Variants in FNIP2 observed in about 807,000 individuals in gnomAD.
The protein encoded by FNIP2 is folliculin interacting protein 2, also known as folliculin-interacting protein 2.
Under a neutral mutation model 108.7 loss-of-function variants are expected in FNIP2, and 32 were observed. The observed-to-expected ratio is 0.29, with a 90% CI of 0.22 to 0.40. FNIP2 has a LOEUF of 0.40. Among genes scored for constraint, FNIP2 ranks in the 10% least tolerant of loss-of-function variants. The pLI is 1.00. For missense variants in FNIP2, 1,202 were observed against 1,381.6 expected (o/e 0.87, Z 2.06); for synonymous variants, 480 against 496.7 (o/e 0.97, Z 0.45).
Position 158,865,518 on chromosome 4 carries a change from T to G in FNIP2, c.1466-2584T>G, listed in dbSNP as rs148613398. On this transcript the variant is annotated intron_variant, in intron 12 of 16. Coordinates refer to ENST00000264433, the MANE Select transcript of FNIP2 (RefSeq NM_020840.3). ...TTAATAACCTTCCTTGTTTTACCAT[T>G]TCCATTTGTTCCTTAGTTATTAAAA... is the stretch of plus-strand genomic sequence containing the variant. Among the ~76,000 whole-genome samples, 136 of 152,364 alleles carry G rather than the reference T, an allele frequency of 8.9e-4. 1 individual carries two copies. Among genetic ancestry groups the G allele is most frequent in the African/African-American group, 3.1e-3 (131 of 41,592 alleles).
chr4:158,861,505 T>C lies in FNIP2; in HGVS notation c.1295+17T>C. 1 of 1,613,904 alleles carries C rather than the reference T, an allele frequency of 6.2e-7. No individual in the cohort carries two copies. The highest frequency in any genetic ancestry group is 8.5e-7 in the Non-Finnish European group (1 of 1,179,864). ...TAAAAACCAGTAAGCTTCAACTCTC[T>C]GGAGACTTGTATGCAAATCTCATGG... is the stretch of plus-strand genomic sequence containing the variant. On this transcript the variant is annotated intron_variant, in intron 11 of 16. Coordinates refer to ENST00000264433, the MANE Select transcript of FNIP2 (RefSeq NM_020840.3).
chr4:158,842,540 CAG>C (rs1364839850), intron 7 of FNIP2, among the ~76,000 whole-genome samples: 1 of 152,140 alleles, frequency 6.6e-6, no homozygotes, highest in Non-Finnish European at 1.5e-5. Context: ...ATAAAAGACA[CAG>C]TACACTAGAA....
rs1225490591 is a variant in FNIP2, at chr4:158,904,374, T to TAGAAATAATACTTTCTCATAAAA, written c.3267-68_3267-46dup. 17 of 1,159,754 alleles carry TAGAAATAATACTTTCTCATAAAA rather than the reference T, an allele frequency of 1.5e-5. No individual in the cohort carries two copies. In the East Asian group the frequency reaches 1.7e-4, roughly 11 times the overall value. 71.8% of individuals were successfully genotyped at this position (1,159,754 alleles called of 1,614,324 possible). On this transcript the variant is annotated intron_variant, in intron 16 of 16. Transcript: ENST00000264433. ...ATGATAATCTATCAAACTTAGTACC[T>TAGAAATAATACTTTCTCATAAAA]AGAAATAATACTTTCTCATAAAAAG...
intron 14 of FNIP2, among the ~76,000 whole-genome samples, chr4:158,888,804 C>T (rs941395509): frequency 4.6e-5 from 7 of 151,258 alleles, no homozygotes; most frequent in South Asian, 4.2e-4. Context: ...ATCGCTTGAA[C>T]GCAGGAGCCA....
intron 14 of FNIP2, among the ~76,000 whole-genome samples, chr4:158,887,757 A>AAAAC (rs35980806): frequency 6.6e-6 from 1 of 150,768 alleles, no homozygotes; most frequent in Admixed American, 6.6e-5. Context: ...AAAAAAAAAA[A>AAAAC]CCCAAGAGGA....
rs1729608641 is a variant in FNIP2 at position 158,904,098 on chromosome 4, G to A, written c.3267-368G>A. 2.0e-5 allele frequency among the ~76,000 whole-genome samples: 3 copies of A among 152,288 alleles called. No homozygotes were observed. In the South Asian group the frequency reaches 6.2e-4, roughly 32 times the overall value. ...AAATCAGTATGCATTTAGAAGTGTT[G>A]ACTGGAAGAATGAGTTTATAATGGA... On this transcript the variant is annotated intron_variant, in intron 16 of 16. Coordinates refer to ENST00000264433, the MANE Select transcript of FNIP2 (RefSeq NM_020840.3).
At chr4:158,901,128 A>ATTTTTTTT (rs140017298) in intron 16 of FNIP2, among the ~76,000 whole-genome samples, 1 of 112,302 alleles carries the variant, frequency 8.9e-6, no homozygotes, top group Non-Finnish European at 1.7e-5. Context: ...CTGGGTTGAA[A>ATTTTTTTT]TTTTTTTTTT....
chr4:158,902,180 G>T (rs952042651), intron 16 of FNIP2, among the ~76,000 whole-genome samples: 1 of 152,006 alleles, frequency 6.6e-6, no homozygotes, highest in Non-Finnish European at 1.5e-5. Context: ...CTGAGTGGAC[G>T]TCCTTTTTGT....
chr4:158,867,175 T>A (rs1050691535), intron 12 of FNIP2, among the ~76,000 whole-genome samples: 11 of 152,126 alleles, frequency 7.2e-5, no homozygotes, highest in African/African-American at 2.7e-4. Context: ...TGGGACATAC[T>A]TTTTTCCAGT....
At chr4:158,873,246 A>G (rs1013079774) in intron 14 of FNIP2, among the ~76,000 whole-genome samples, 2 of 152,198 alleles carry the variant, frequency 1.3e-5, no homozygotes, top group Non-Finnish European at 2.9e-5. Context: ...TTTTTAGAGA[A>G]GGATTTTTAA....
chr4:158,769,870 T>G (rs1033478290), intron 1 of FNIP2, among the ~76,000 whole-genome samples: 6 of 152,176 alleles, frequency 3.9e-5, no homozygotes, highest in Non-Finnish European at 7.4e-5. Flanking sequence ...CCGCATGATG[T>G]GTGGAAAGGG....
intron 1 of FNIP2, among the ~76,000 whole-genome samples, chr4:158,773,582 A>G (rs531480621): frequency 3.0e-4 from 46 of 152,346 alleles, no homozygotes; most frequent in Non-Finnish European, 4.0e-4. Context: ...GATTTTAAGT[A>G]TTACTAAGCA....
intron 14 of FNIP2, among the ~76,000 whole-genome samples, chr4:158,876,259 G>T (rs1400656273): frequency 5.3e-5 from 8 of 152,112 alleles, no homozygotes; most frequent in Admixed American, 5.2e-4. Flanking sequence ...CACTTCCACC[G>T]CCTTGTGCAG....
At chr4:158,882,788 C>G (rs1274223288) in intron 14 of FNIP2, among the ~76,000 whole-genome samples, 1 of 152,134 alleles carries the variant, frequency 6.6e-6, no homozygotes. Context: ...TAAACAGATG[C>G]TTGAAGGCAG....
chr4:158,861,768 C>G lies in FNIP2; in HGVS notation c.1457C>G (p.Ala486Gly), dbSNP rs1578931636. The G allele has an allele frequency of 6.2e-7, 1 of 1,613,934 alleles. No homozygotes were observed. Among genetic ancestry groups the G allele is most frequent in the African/African-American group, 1.3e-5 (1 of 75,008 alleles). The change falls in exon 12 of 17, where the codon GCA becomes GGA. Residue 486 changes from alanine to glycine, a missense_variant. Coordinates refer to ENST00000264433, the MANE Select transcript of FNIP2 (RefSeq NM_020840.3). ...ACACATCCGTATAATCCTCTTTGGGCACAGCTGGGTTAGTACCTAATTTGA... is the reference window on the plus strand; with the variant it reads ...ACACATCCGTATAATCCTCTTTGGGGACAGCTGGGTTAGTACCTAATTTGA... ...AKTHPYNPLW[A>G]QLGDLYGAIG...
intron 14 of FNIP2, among the ~76,000 whole-genome samples, chr4:158,891,131 G>C (rs959668473): frequency 6.6e-5 from 10 of 152,176 alleles, no homozygotes; most frequent in Admixed American, 5.2e-4. Context: ...AGAAGAATGT[G>C]CATATGTGCA....
intron 1 of FNIP2, among the ~76,000 whole-genome samples, chr4:158,786,268 C>A (rs1776221169): frequency 6.6e-6 from 1 of 152,140 alleles, no homozygotes; most frequent in Non-Finnish European, 1.5e-5. Flanking sequence ...CTTATCTGTC[C>A]TTTTGTTTTC....
intron 1 of FNIP2, among the ~76,000 whole-genome samples, chr4:158,824,856 G>A (rs903633910): frequency 1.4e-4 from 21 of 151,988 alleles, no homozygotes; most frequent in Non-Finnish European, 2.8e-4. Context: ...CCTATGGTGC[G>A]CATCATTTGT....
intron 13 of FNIP2, 52 bp from the exon 14 acceptor site, chr4:158,870,261 G>GA (rs1000428856): frequency 5.7e-6 from 9 of 1,584,466 alleles, no homozygotes; most frequent in Middle Eastern, 1.7e-4. Context: ...TATAATGAAA[G>GA]AAAAAAGTAC....
Sources: gnomAD v4.1 joint callset for allele counts (sites outside exome capture counted in the v4.1 genomes callset) on GRCh38, gnomAD v4.1.1 for gene constraint, MANE v1.5 for transcripts, NCBI Gene and HGNC (gene_info 2026-07-23, HGNC 2026-07-21) for gene names.